The following FNDC3B variants were observed in gnomAD, a reference collection of about 807,000 sequenced individuals.
FNDC3B encodes the protein fibronectin type III domain containing 3B.
Under a neutral mutation model 151.5 loss-of-function variants are expected in FNDC3B, and 12 were observed. The observed-to-expected ratio is 0.08, with a 90% CI of 0.05 to 0.13. The LOEUF (loss-of-function observed/expected upper bound fraction) is 0.13, where lower values mean the gene tolerates loss of function less well. FNDC3B is among the 10% of genes least tolerant of loss of function. FNDC3B has a pLI of 1.00. For missense variants in FNDC3B, 1,214 were observed against 1,505.3 expected (o/e 0.81, Z 3.20); for synonymous variants, 528 against 549.0 (o/e 0.96, Z 0.54).
chr3:172,211,157 TG>T (rs1725715387), intron 3 of FNDC3B, among the ~76,000 whole-genome samples: 1 of 152,194 alleles, frequency 6.6e-6, no homozygotes, highest in Admixed American at 6.5e-5. Context: ...AACATAAAAA[TG>T]ACTCATAACA....
chr3:172,093,534 A>T (rs1010630100), intron 1 of FNDC3B, among the ~76,000 whole-genome samples: 6 of 152,168 alleles, frequency 3.9e-5, no homozygotes, highest in African/African-American at 1.4e-4. Context: ...CTGGGATTAC[A>T]GGCGTGAGTC....
In FNDC3B at chr3:172,320,843, C is replaced by G. The variant is rs145961656; in HGVS notation, c.1255-8109C>G. ...CCAGCCCATTTAGAGGATTCATCTT[C>G]CCAAGTACTGAGGAAAGCTTTATGA... On this transcript the variant is annotated intron_variant, in intron 11 of 25. Coordinates refer to ENST00000415807, the MANE Select transcript of FNDC3B (RefSeq NM_022763.4). Among the ~76,000 whole-genome samples, 257 of 152,208 alleles carry G rather than the reference C, an allele frequency of 1.7e-3. 1 individual carries two copies. The highest frequency in any genetic ancestry group is 6.1e-3 in the African/African-American group (254 of 41,534).
intron 3 of FNDC3B, among the ~76,000 whole-genome samples, chr3:172,172,470 G>A (rs546941827): frequency 6.6e-5 from 10 of 152,294 alleles, no homozygotes; most frequent in South Asian, 4.1e-4. Context: ...AAATCTGAGG[G>A]ATAATTCAAA....
chr3:172,307,403 G>A lies in FNDC3B; in HGVS notation c.1102G>A (p.Glu368Lys), dbSNP rs757580289. Residue 368 changes from glutamate to lysine, a missense_variant, in exon 10 of 26, where the codon GAG (glutamate) becomes AAG (lysine). This residue lies in a region of FNDC3B where 156 missense variants were observed against 225.3 expected (regional missense o/e 0.69). Coordinates refer to ENST00000415807, the MANE Select transcript of FNDC3B (RefSeq NM_022763.4). ...CAATTCCGTAAAGGGATCCTGCTCC[G>A]AGCCTGTTAGCTTCACCACCCACAG... ...MYNSVKGSCS[E>K]PVSFTTHSCA... 1.7e-5 allele frequency: 28 copies of A among 1,614,050 alleles called. No homozygotes were observed. The Admixed American group carries it at 1.8e-4, about 11-fold the overall frequency.
chr3:172,084,540 T>G, intron 1 of FNDC3B, among the ~76,000 whole-genome samples: 1 of 150,936 alleles, frequency 6.6e-6, no homozygotes, highest in East Asian at 2.0e-4. Flanking sequence ...GAGGCAGTAT[T>G]ATGCTTCTAC....
chr3:172,042,322 G>C (rs1716127347), intron 1 of FNDC3B, among the ~76,000 whole-genome samples: 1 of 152,180 alleles, frequency 6.6e-6, no homozygotes, highest in African/African-American at 2.4e-5. Flanking sequence ...CTAGGCCCTT[G>C]GAGGCTAGGT....
chr3:172,142,591 C>T (rs1452131173), intron 3 of FNDC3B, among the ~76,000 whole-genome samples: 1 of 152,204 alleles, frequency 6.6e-6, no homozygotes, highest in Admixed American at 6.5e-5. Context: ...CTTGTTCTTG[C>T]ACTTCCAACC....
intron 21 of FNDC3B, among the ~76,000 whole-genome samples, chr3:172,349,876 G>A (rs994393528): frequency 2.0e-4 from 30 of 151,998 alleles, no homozygotes; most frequent in African/African-American, 7.0e-4. Flanking sequence ...GGCTGGTCTC[G>A]AACTCCCGAC....
At chr3:172,263,186 G>C (rs11923479) in intron 6 of FNDC3B, among the ~76,000 whole-genome samples, 4,736 of 151,826 alleles carry the variant, frequency 0.031, 248 homozygotes, top group African/African-American at 0.11. Context: ...ATGAGGAAGT[G>C]AGTGGGAAGA....
intron 6 of FNDC3B, among the ~76,000 whole-genome samples, chr3:172,252,764 T>C (rs1007133202): frequency 6.6e-6 from 1 of 152,148 alleles, no homozygotes; most frequent in African/African-American, 2.4e-5. Flanking sequence ...TTCTTTTAAT[T>C]TGAATTATGT....
intron 1 of FNDC3B, among the ~76,000 whole-genome samples, chr3:172,048,969 G>A (rs189352550): frequency 6.6e-6 from 1 of 152,326 alleles, no homozygotes; most frequent in East Asian, 1.9e-4. Context: ...AGGGAAGATG[G>A]AGAGATAGTG....
intron 6 of FNDC3B, among the ~76,000 whole-genome samples, chr3:172,262,230 C>T (rs1728683428): frequency 6.6e-6 from 1 of 152,184 alleles, no homozygotes; most frequent in Non-Finnish European, 1.5e-5. Flanking sequence ...TCTATTCCTC[C>T]TACTAGGTTA....
chr3:172,136,176 A>G (rs1192713425), intron 3 of FNDC3B, among the ~76,000 whole-genome samples: 1 of 152,166 alleles, frequency 6.6e-6, no homozygotes, highest in Non-Finnish European at 1.5e-5. Flanking sequence ...TGACAACAGC[A>G]AGGTTAAGTT....
At chr3:172,119,896 A>G (rs1370131997) in intron 2 of FNDC3B, among the ~76,000 whole-genome samples, 1 of 152,222 alleles carries the variant, frequency 6.6e-6, no homozygotes, top group African/African-American at 2.4e-5. Flanking sequence ...CTGCGGAGGC[A>G]GCAACCCTTG....
At chr3:172,347,187 A>G in intron 20 of FNDC3B, 25 bp from the exon 21 acceptor site, 2 of 1,598,338 alleles carry the variant, frequency 1.3e-6, no homozygotes, top group Non-Finnish European at 8.5e-7. Flanking sequence ...GGCATTATTA[A>G]CTACTTCCAT....
chr3:172,243,670 A>C (rs958476030), intron 4 of FNDC3B, among the ~76,000 whole-genome samples: 1 of 152,228 alleles, frequency 6.6e-6, no homozygotes, highest in Admixed American at 6.5e-5. Context: ...AAACCATATC[A>C]GCCATCTTCC....
At chr3:172,309,343 T>C (rs1423662527) in intron 10 of FNDC3B, among the ~76,000 whole-genome samples, 1 of 152,130 alleles carries the variant, frequency 6.6e-6, no homozygotes, top group South Asian at 2.1e-4. Context: ...ACACAGGAGA[T>C]AAGGCAAAAC....
intron 4 of FNDC3B, among the ~76,000 whole-genome samples, chr3:172,240,016 C>T (rs923731837): frequency 1.3e-5 from 2 of 151,622 alleles, no homozygotes; most frequent in African/African-American, 4.8e-5. Flanking sequence ...CTACAGGCTC[C>T]CGCCACCATG....
intron 1 of FNDC3B, among the ~76,000 whole-genome samples, chr3:172,084,616 C>T (rs181655011): frequency 1.2e-4 from 19 of 152,128 alleles, no homozygotes; most frequent in African/African-American, 7.2e-5. Flanking sequence ...TTGTCTTCAA[C>T]GTAAGTTGGG....
Sources: allele counts gnomAD v4.1 joint callset (sites outside exome capture counted in the v4.1 genomes callset), GRCh38; gene constraint gnomAD v4.1.1; regional missense constraint gnomAD v4.1.1; transcripts MANE v1.5; gene names NCBI Gene and HGNC (gene_info 2026-07-23, HGNC 2026-07-21).